Variants in FCER1A observed in about 807,000 individuals in gnomAD.
The protein encoded by FCER1A is Fc epsilon receptor Ia, also known as high affinity immunoglobulin epsilon receptor subunit alpha.
In FCER1A, 24 loss-of-function variants were observed where a neutral mutation model predicts 23.6. The observed-to-expected ratio is 1.02, with a 90% CI of 0.74 to 1.43. FCER1A has a LOEUF of 1.43. Ranked by LOEUF, FCER1A falls within the 40% of genes most tolerant of loss-of-function variation. FCER1A has a pLI of 0.00. For synonymous variants in FCER1A, 121 were observed against 108.8 expected (o/e 1.11, Z -0.70); for missense variants, 318 against 294.5 (o/e 1.08, Z -0.58).
In FCER1A at chr1:159,307,917, C is replaced by A; in HGVS notation, c.759C>A (p.Asn253Lys). 6.3e-7 allele frequency: 1 copy of A among 1,591,898 alleles called. No individual in the cohort carries two copies. Residue 253 changes from asparagine to lysine, a missense_variant, in exon 5 of 5, where the codon AAC becomes AAA. Transcript: ENST00000693622. ...FRLLNPHPKP[N>K]PKNN Reference sequence around the variant, plus strand: ...TTCTGAACCCACATCCTAAGCCAAACCCCAAAAACAACTGATATAATTACT... The same window carrying A: ...TTCTGAACCCACATCCTAAGCCAAAACCCAAAAACAACTGATATAATTACT...
intron 1 of FCER1A, among the ~76,000 whole-genome samples, chr1:159,295,349 T>C (rs1652271218): frequency 6.6e-6 from 1 of 152,154 alleles, no homozygotes; most frequent in South Asian, 2.1e-4. Context: ...GGTCACTAGA[T>C]GCAGTTGTAA....
chr1:159,306,295 A>C (rs1420077518), intron 4 of FCER1A, 50 bp downstream of exon 4: 1 of 1,580,492 alleles, frequency 6.3e-7, no homozygotes, highest in South Asian at 1.2e-5. Context: ...GAAGGAAGAG[A>C]GAACTTCTGA....
chr1:159,301,463 A>G (rs1652426701), upstream of FCER1A, among the ~76,000 whole-genome samples: 1 of 152,194 alleles, frequency 6.6e-6, no homozygotes, highest in Non-Finnish European at 1.5e-5. Flanking sequence ...TTAAAAGTAA[A>G]CAAAAGCTAG....
intron 4 of FCER1A, among the ~76,000 whole-genome samples, chr1:159,306,871 C>T (rs957085959): frequency 6.6e-5 from 10 of 152,098 alleles, no homozygotes; most frequent in Non-Finnish European, 1.5e-4. Flanking sequence ...TTAGACTTTT[C>T]CTTCACACAC....
intron 1 of FCER1A, among the ~76,000 whole-genome samples, chr1:159,292,799 G>C (rs115122187): frequency 1.3e-4 from 20 of 152,198 alleles, no homozygotes; most frequent in African/African-American, 4.6e-4. Flanking sequence ...TACAGATTCT[G>C]CCCTCATGAA....
chr1:159,296,002 CTCTG>C (rs774579094), intron 1 of FCER1A, among the ~76,000 whole-genome samples: 11 of 152,224 alleles, frequency 7.2e-5, no homozygotes, highest in African/African-American at 1.7e-4. Flanking sequence ...ATTACAATAT[CTCTG>C]TCTGAGGAAG....
chr1:159,293,127 C>A (rs1428320495), intron 1 of FCER1A, among the ~76,000 whole-genome samples: 1 of 151,244 alleles, frequency 6.6e-6, no homozygotes, highest in Non-Finnish European at 1.5e-5. Context: ...CATGAAGAGC[C>A]ATCAAACTGT....
upstream of FCER1A, among the ~76,000 whole-genome samples, chr1:159,301,561 C>T (rs1393231334): frequency 6.6e-6 from 1 of 152,162 alleles, no homozygotes. Flanking sequence ...CAGATTAGGG[C>T]ACAGTAGAGA....
intron 1 of FCER1A, among the ~76,000 whole-genome samples, chr1:159,292,595 A>T (rs1278936487): frequency 6.6e-6 from 1 of 152,128 alleles, no homozygotes; most frequent in Non-Finnish European, 1.5e-5. Flanking sequence ...CAAAAAACCT[A>T]CAGATTACAT....
chr1:159,293,443 G>T (rs1652211084), intron 1 of FCER1A, among the ~76,000 whole-genome samples: 1 of 151,304 alleles, frequency 6.6e-6, no homozygotes, highest in Non-Finnish European at 1.5e-5. Context: ...TGCCCAATGT[G>T]CAGGTTAGTT....
chr1:159,301,977 A>C (rs1442304983), upstream of FCER1A, among the ~76,000 whole-genome samples: 1 of 152,206 alleles, frequency 6.6e-6, no homozygotes. Flanking sequence ...AACACCTGGC[A>C]TATGTTTGGT....
intron 1 of FCER1A, among the ~76,000 whole-genome samples, chr1:159,293,365 A>G (rs375741898): frequency 1.8e-4 from 28 of 151,662 alleles, no homozygotes; most frequent in African/African-American, 6.3e-4. Context: ...CTTCAGCCCT[A>G]ATGTCCTTCT....
At chr1:159,290,421 C>T (rs1247400034) in intron 1 of FCER1A, among the ~76,000 whole-genome samples, 1 of 152,192 alleles carries the variant, frequency 6.6e-6, no homozygotes, top group Non-Finnish European at 1.5e-5. Context: ...AGTACCCTAG[C>T]AGTGTCAGAT....
Position 159,307,865 on chromosome 1 carries a change from T to C in FCER1A, c.707T>C (p.Ile236Thr), listed in dbSNP as rs770382474. 6.2e-7 allele frequency: 1 copy of C among 1,613,686 alleles called. No homozygotes were observed. The highest frequency in any genetic ancestry group is 8.5e-7 in the Non-Finnish European group (1 of 1,179,682). Residue 236 changes from isoleucine (I) to threonine (T), a missense_variant, in exon 5 of 5, where the codon ATT becomes ACT. Transcript: ENST00000693622. Reference sequence around the variant, plus strand: ...CAGCAGGTCACATTTCTCTTGAAGATTAAGAGAACCAGGAAAGGCTTCAGA... The same window carrying C: ...CAGCAGGTCACATTTCTCTTGAAGACTAAGAGAACCAGGAAAGGCTTCAGA... ...TQQQVTFLLK[I>T]KRTRKGFRLL... is the part of the protein sequence containing the mutation.
chr1:159,307,736 G>T lies in FCER1A; in HGVS notation c.590-12G>T. On this transcript the variant is annotated splice_polypyrimidine_tract_variant and intron_variant, in intron 4 of 4. Coordinates refer to ENST00000693622, the MANE Select transcript of FCER1A (RefSeq NM_001387280.1). Reference sequence around the variant, plus strand: ...GAATTATGTTTCTCATTGCATCTGTGTTCCACTACAGCTCCGCGTGAGAAG... The same window carrying T: ...GAATTATGTTTCTCATTGCATCTGTTTTCCACTACAGCTCCGCGTGAGAAG... 1 of 1,573,082 alleles carries T rather than the reference G, an allele frequency of 6.4e-7. No homozygotes were observed. The highest frequency in any genetic ancestry group is 1.2e-5 in the South Asian group (1 of 86,846).
chr1:159,294,014 A>G (rs1426342751), intron 1 of FCER1A, among the ~76,000 whole-genome samples: 3 of 152,074 alleles, frequency 2.0e-5, no homozygotes, highest in Non-Finnish European at 2.9e-5. Context: ...CAAAACCACA[A>G]TGAGATACCA....
chr1:159,291,775 A>G (rs1422577448), intron 1 of FCER1A, among the ~76,000 whole-genome samples: 2 of 152,122 alleles, frequency 1.3e-5, no homozygotes, highest in Non-Finnish European at 2.9e-5. Flanking sequence ...TTGTCCGCAC[A>G]TGTTGCCTAT....
rs1432666786 is a variant in FCER1A at position 159,304,136 on chromosome 1, C to T, written c.285C>T (p.His95=). The T allele has an allele frequency of 2.5e-6, 4 of 1,613,814 alleles. No individual in the cohort carries two copies. In the East Asian group the frequency reaches 8.9e-5, roughly 36 times the overall value. Residue 95 remains histidine, a synonymous_variant, in exon 3 of 5, where the codon CAC becomes CAT. Transcript: ENST00000693622. ...FEDSGEYKCQ[H]QQVNESEPVY... The stretch of plus-strand genomic sequence containing the variant: ...ACAGTGGAGAATACAAATGTCAGCA[C>T]CAACAAGTTAATGAGAGTGAACCTG...
upstream of FCER1A, among the ~76,000 whole-genome samples, chr1:159,286,136 C>T (rs1309371337): frequency 6.6e-6 from 1 of 151,344 alleles, no homozygotes; most frequent in Non-Finnish European, 1.5e-5. Flanking sequence ...GTTGCAGTGA[C>T]CCGAGATCAT....
Sources: allele counts gnomAD v4.1 joint callset (sites outside exome capture counted in the v4.1 genomes callset), GRCh38; gene constraint gnomAD v4.1.1; transcripts MANE v1.5; gene names NCBI Gene and HGNC (gene_info 2026-07-23, HGNC 2026-07-21).